CRISP1: variants seen among roughly 807,000 people sequenced by gnomAD.
CRISP1 encodes the protein cysteine rich secretory protein 1, also known as cysteine-rich secretory protein 1.
CRISP1 carries 44 observed loss-of-function variants against 33.1 expected under a neutral mutation model. The observed-to-expected ratio is 1.33, with a 90% CI of 1.05 to 1.71. CRISP1 has a LOEUF of 1.71. Ranked by LOEUF, CRISP1 falls within the 40% of genes most tolerant of loss-of-function variation. The pLI, the probability that CRISP1 is intolerant of heterozygous loss-of-function variation, is 0.00. For missense variants in CRISP1, 390 were observed against 301.2 expected, an observed-to-expected ratio of 1.29 and a Z score of -2.18; for synonymous variants, 103 against 98.7, an observed-to-expected ratio of 1.04 and a Z score of -0.26.
rs865986139 is a variant in CRISP1, at chr6:49,846,615, T to C, written c.340A>G (p.Ser114Gly). 18 of 1,613,464 alleles carry C rather than the reference T, an allele frequency of 1.1e-5. 1 individual carries two copies. The African/African-American group carries it at 2.4e-4, about 22-fold the overall frequency. The change falls in exon 5 of 8, where the codon AGT becomes GGT. Residue 114 changes from serine (S) to glycine (G), a missense_variant. Transcript: ENST00000335847. ...TCACTGTACCAGACTCCAATTACAC[T>C]TGACCATGATACAGGATAAGATGTC... ...HMTSYPVSWS[S>G]VIGVWYSEST...
At chr6:49,840,839 GA>G in intron 6 of CRISP1, 58 bp downstream of exon 6, 1 of 1,358,124 alleles carries the variant, frequency 7.4e-7, no homozygotes, top group East Asian at 2.4e-5. Flanking sequence ...AACAATGTTT[GA>G]AAAACTAGAT....
chr6:49,859,783 A>G (rs1056355214), intron 1 of CRISP1, among the ~76,000 whole-genome samples: 3 of 152,224 alleles, frequency 2.0e-5, no homozygotes, highest in African/African-American at 7.2e-5. Context: ...CATTGAATGT[A>G]AATGGATTAA....
intron 1 of CRISP1, among the ~76,000 whole-genome samples, chr6:49,863,377 G>A (rs923086383): frequency 3.3e-5 from 5 of 152,132 alleles, no homozygotes; most frequent in African/African-American, 1.2e-4. Context: ...GAATTACATA[G>A]CTGCTTGAAC....
rs1225379248 is a variant in CRISP1 at position 49,848,364 on chromosome 6, G to A, written c.196-65C>T. The A allele has an allele frequency of 1.0e-5, 10 of 977,454 alleles. No homozygotes were observed. The East Asian group carries it at 2.5e-4, about 25-fold the overall frequency. The allele number at this position is 977,454 out of a possible 1,614,324, so 60.5% of individuals were successfully genotyped here. ...TATTTTCATAAGATTCTAATTTATT[G>A]TTTTTAATAATCCACGAGATATAAT... On this transcript the variant is annotated intron_variant, in intron 3 of 7. Transcript: ENST00000335847.
In CRISP1 at chr6:49,838,538, A is replaced by G. The variant is rs1405514422; in HGVS notation, c.534-13T>C. ...AGGATCATTTCCCCTTGAATAAAAAAAAGTGATTTCATAAAACCCATCTTT... is the reference window on the plus strand; with the variant it reads ...AGGATCATTTCCCCTTGAATAAAAAGAAGTGATTTCATAAAACCCATCTTT... On this transcript the variant is annotated splice_polypyrimidine_tract_variant and intron_variant, in intron 6 of 7. Transcript: ENST00000335847. The G allele has an allele frequency of 2.5e-6, 4 of 1,601,614 alleles. No individual in the cohort carries two copies. Among genetic ancestry groups the G allele is most frequent in the Admixed American group, 1.7e-5 (1 of 59,002 alleles).
intron 5 of CRISP1, among the ~76,000 whole-genome samples, chr6:49,841,616 A>G (rs182255395): frequency 1.3e-5 from 2 of 152,262 alleles, no homozygotes; most frequent in East Asian, 1.9e-4. Flanking sequence ...CATCAAATTT[A>G]TGTGGACAAG....
chr6:49,842,355 T>G (rs1182219396), intron 5 of CRISP1, among the ~76,000 whole-genome samples: 2 of 152,238 alleles, frequency 1.3e-5, no homozygotes, highest in Non-Finnish European at 2.9e-5. Context: ...TATTTTGCTA[T>G]GTTCTCTCTC....
intron 7 of CRISP1, among the ~76,000 whole-genome samples, chr6:49,836,631 G>A (rs1418894055): frequency 6.6e-6 from 1 of 151,936 alleles, no homozygotes; most frequent in East Asian, 1.9e-4. Context: ...GAGCCACCGC[G>A]CCCGGCCTAC....
intron 1 of CRISP1, among the ~76,000 whole-genome samples, chr6:49,873,600 T>A (rs1046073639): frequency 6.6e-6 from 1 of 152,090 alleles, no homozygotes; most frequent in African/African-American, 2.4e-5. Flanking sequence ...AAGTTTTCAT[T>A]ATTCATCAAC....
chr6:49,865,013 C>A (rs569704369), intron 1 of CRISP1, among the ~76,000 whole-genome samples: 1 of 152,198 alleles, frequency 6.6e-6, no homozygotes, highest in South Asian at 2.1e-4. Flanking sequence ...GTCATAAAGG[C>A]ATTTTCTTCT....
At chr6:49,851,089 G>A (rs1162072399) in intron 3 of CRISP1, among the ~76,000 whole-genome samples, 4 of 152,146 alleles carry the variant, frequency 2.6e-5, no homozygotes, top group Non-Finnish European at 4.4e-5. Context: ...ACACCATGCA[G>A]GAATGCCTAT....
intron 7 of CRISP1, 30 bp downstream of exon 7, chr6:49,838,407 T>A (rs1466413887): frequency 6.5e-7 from 1 of 1,541,966 alleles, no homozygotes; most frequent in Admixed American, 1.7e-5. Context: ...ATGGGTTAAC[T>A]GTAAACAAAC....
intron 5 of CRISP1, among the ~76,000 whole-genome samples, chr6:49,844,111 C>G (rs1318250893): frequency 6.6e-6 from 1 of 152,122 alleles, no homozygotes; most frequent in East Asian, 1.9e-4. Context: ...TTTACACAAT[C>G]ATTAGCCCAT....
chr6:49,846,676 G>T lies in CRISP1; in HGVS notation c.287-8C>A. 1 of 1,612,514 alleles carries T rather than the reference G, an allele frequency of 6.2e-7. No individual in the cohort carries two copies. The highest frequency in any genetic ancestry group is 1.1e-5 in the South Asian group (1 of 90,862). The stretch of plus-strand genomic sequence containing the variant: ...TTTCTCCACAAAAGGTATCTGAAAT[G>T]AGAAAACGGGCTGGGTCATACTCTG... On this transcript the variant is annotated splice_polypyrimidine_tract_variant and splice_region_variant and intron_variant, in intron 4 of 7. Transcript: ENST00000335847.
intron 3 of CRISP1, among the ~76,000 whole-genome samples, chr6:49,848,977 T>C (rs1224753524): frequency 6.6e-6 from 1 of 151,972 alleles, no homozygotes; most frequent in Non-Finnish European, 1.5e-5. Flanking sequence ...CTTTTCGGGG[T>C]CACACTATAA....
At chr6:49,855,764 C>T (rs921621375) in intron 2 of CRISP1, among the ~76,000 whole-genome samples, 2 of 152,182 alleles carry the variant, frequency 1.3e-5, no homozygotes, top group African/African-American at 2.4e-5. Context: ...AAAAACACTG[C>T]CACTGGTGGA....
rs770408802 is a variant in CRISP1, at chr6:49,857,373, C to T, written c.28G>A (p.Val10Ile). Reference sequence around the variant, plus strand: ...ATAGGCAGTAAGCAAGCAGCAGCAACCAAAAACAAGAGGTGTTTAATTTCC... The same window carrying T: ...ATAGGCAGTAAGCAAGCAGCAGCAATCAAAAACAAGAGGTGTTTAATTTCC... MEIKHLLFL[V>I]AAACLLPMLS... The change falls in exon 2 of 8, where the codon GTT becomes ATT. Residue 10 changes from valine (V) to isoleucine (I), a missense_variant. Physicochemically the swap from Val to Ile is conservative, Grantham distance 29. Coordinates refer to ENST00000335847, the MANE Select transcript of CRISP1 (RefSeq NM_001131.3). 5.6e-6 allele frequency: 9 copies of T among 1,612,796 alleles called. No homozygotes were observed. Among genetic ancestry groups the T allele is most frequent in the Middle Eastern group, 1.7e-4 (1 of 6,050 alleles).
intron 2 of CRISP1, among the ~76,000 whole-genome samples, chr6:49,854,656 C>G (rs551367540): frequency 6.6e-6 from 1 of 152,306 alleles, no homozygotes; most frequent in African/African-American, 2.4e-5. Flanking sequence ...AAAATATCGC[C>G]AACTCTGGCT....
At chr6:49,875,192 T>A (rs1373800782) in intron 1 of CRISP1, among the ~76,000 whole-genome samples, 1 of 151,832 alleles carries the variant, frequency 6.6e-6, no homozygotes, top group Admixed American at 6.6e-5. Flanking sequence ...CCTAAACTAA[T>A]AAACAACTTC....
Sources: allele counts gnomAD v4.1 joint callset (sites outside exome capture counted in the v4.1 genomes callset), GRCh38; gene constraint gnomAD v4.1.1; transcripts MANE v1.5; gene names NCBI Gene and HGNC (gene_info 2026-07-23, HGNC 2026-07-21).